Variants in MAST3 observed in about 807,000 individuals in gnomAD.
MAST3 encodes the protein microtubule-associated serine/threonine-protein kinase 3.
MAST3 carries 43 observed loss-of-function variants against 127.0 expected under a neutral mutation model. The observed-to-expected ratio is 0.34, with a 90% CI of 0.27 to 0.44. MAST3 has a LOEUF of 0.44. MAST3 is among the 20% of genes least tolerant of loss of function. The pLI is 1.00. For missense variants in MAST3, 1,390 were observed against 1,919.1 expected (o/e 0.72, Z 5.15); for synonymous variants, 785 against 809.2 (o/e 0.97, Z 0.51).
Position 18,128,951 on chromosome 19 carries a change from GGTGA to G in MAST3, c.1223+3_1223+6del, listed in dbSNP as rs1383560949. ...AAACTCATTAGCAACGGAGCCTATG[GGTGA>G]GTCCCTGAGTCCTGCATAGACCCAT... On this transcript the variant is annotated splice_donor_variant and splice_donor_region_variant and intron_variant, in intron 13 of 27. Coordinates refer to ENST00000687212, the MANE Select transcript of MAST3 (RefSeq NM_001393504.1). LOFTEE classifies it high-confidence loss of function. The G allele has an allele frequency of 6.2e-7, 1 of 1,613,786 alleles. No individual in the cohort carries two copies. Among genetic ancestry groups the G allele is most frequent in the African/African-American group, 1.3e-5 (1 of 75,056 alleles).
At chr19:18,130,871 G>A (rs1270324708) in intron 14 of MAST3, among the ~76,000 whole-genome samples, 169 bp downstream of exon 14, 3 of 152,320 alleles carry the variant, frequency 2.0e-5, no homozygotes, top group Non-Finnish European at 4.4e-5. Flanking sequence ...CAGCCATGGG[G>A]GTTTAGGGCT....
chr19:18,122,593 TG>T, intron 5 of MAST3, 79 bp from the exon 6 acceptor site: 1 of 1,213,120 alleles, frequency 8.2e-7, no homozygotes, highest in Non-Finnish European at 1.2e-6. Flanking sequence ...CAGAATATGC[TG>T]GCCACAGTGT....
At chr19:18,125,072 A>G (rs1811241) in intron 11 of MAST3, among the ~76,000 whole-genome samples, 97,487 of 152,040 alleles carry the variant, frequency 0.64, 32,000 homozygotes, top group East Asian at 0.85. Context: ...GCGCCACTGC[A>G]CTCCAACCTG....
In MAST3 at chr19:18,121,748, CCT is replaced by C. The variant is rs1473193738; in HGVS notation, c.226_227del (p.Leu76ValfsTer14). 1 of 1,614,018 alleles carries C rather than the reference CCT, an allele frequency of 6.2e-7. No individual in the cohort carries two copies. On this transcript the variant is annotated frameshift_variant, in exon 4 of 28. Transcript: ENST00000687212. LOFTEE classifies it high-confidence loss of function. ...CGCCCTCCCCGACCCTCTCCCGGCC[CCT>C]GTCGCCATTGTCGGTCCCAACGGGT... ...GTPSPTLSRP[L>X]SPLSVPTGSS...
chr19:18,137,529 G>A (rs949445951), intron 19 of MAST3, among the ~76,000 whole-genome samples, 168 bp downstream of exon 19: 3 of 152,138 alleles, frequency 2.0e-5, no homozygotes, highest in Admixed American at 6.6e-5. Flanking sequence ...TGTGTCGGCC[G>A]CCCCCTGGCT....
At chr19:18,109,712 C>A (rs1460967335) in intron 2 of MAST3, among the ~76,000 whole-genome samples, 1 of 152,132 alleles carries the variant, frequency 6.6e-6, no homozygotes, top group Non-Finnish European at 1.5e-5. Context: ...AGGGGGCGAC[C>A]TTCCTGGCAG....
At chr19:18,098,860 G>A (rs1273111078) in intron 1 of MAST3, 1 of 454,472 alleles carries the variant, frequency 2.2e-6, no homozygotes, top group Non-Finnish European at 4.4e-6. Context: ...ACCTGTTGGG[G>A]GAGGTAGACG....
In MAST3 at chr19:18,121,785, A is replaced by C; in HGVS notation, c.250+12A>C. On this transcript the variant is annotated intron_variant, in intron 4 of 27. Coordinates refer to ENST00000687212, the MANE Select transcript of MAST3 (RefSeq NM_001393504.1). ...GTCGGTCCCAACGGGTGAGTGTGGGAGCAGCCAGCGGGTGCTGTGTCCTGC... is the reference window on the plus strand; with the variant it reads ...GTCGGTCCCAACGGGTGAGTGTGGGCGCAGCCAGCGGGTGCTGTGTCCTGC... 1.9e-6 allele frequency: 3 copies of C among 1,613,926 alleles called. No individual in the cohort carries two copies. The highest frequency in any genetic ancestry group is 2.5e-6 in the Non-Finnish European group (3 of 1,179,872).
intron 1 of MAST3, among the ~76,000 whole-genome samples, chr19:18,102,760 G>A (rs1222499936): frequency 4.0e-5 from 6 of 151,598 alleles, no homozygotes; most frequent in South Asian, 4.2e-4. Flanking sequence ...GATTACAGGC[G>A]TGAGCCACCG....
intron 13 of MAST3, chr19:18,129,165 T>C: frequency 1.7e-6 from 1 of 575,660 alleles, no homozygotes; most frequent in Non-Finnish European, 3.1e-6. Flanking sequence ...GCCAGGCCTT[T>C]ACCTGCCCCA....
At chr19:18,136,731 G>A (rs2041930917) in intron 18 of MAST3, among the ~76,000 whole-genome samples, 1 of 151,834 alleles carries the variant, frequency 6.6e-6, no homozygotes, top group African/African-American at 2.4e-5. Context: ...CTGGCTGCTG[G>A]CCTGGGTTTG....
Position 18,106,966 on chromosome 19 carries a change from ATTTTTTTTTTTTTT to A in MAST3, c.40-604_40-591del, listed in dbSNP as rs60298417. 6.8e-4 allele frequency among the ~76,000 whole-genome samples: 50 copies of A among 73,946 alleles called. No homozygotes were observed. The South Asian group carries it at 0.021, about 31-fold the overall frequency. 48.5% of individuals were successfully genotyped at this position (73,946 alleles called of 152,430 possible). On this transcript the variant is annotated intron_variant, in intron 1 of 27. Transcript: ENST00000687212. ...CAGGCTTGAGCCACCATGCCCAGCAATTTTTTTTTTTTTTTTTTTTTTTTTTTTTTGTAGAGACG... is the reference window on the plus strand; with the variant it reads ...CAGGCTTGAGCCACCATGCCCAGCAATTTTTTTTTTTTTTTTGTAGAGACG...
intron 11 of MAST3, 139 bp from the exon 12 acceptor site, chr19:18,128,261 T>A: frequency 1.6e-6 from 1 of 631,146 alleles, no homozygotes; most frequent in Non-Finnish European, 2.7e-6. Context: ...TGTGGCTTCA[T>A]GACAGTGTCA....
At chr19:18,148,525 G>A (rs1463140046) in intron 27 of MAST3, among the ~76,000 whole-genome samples, 1 of 152,150 alleles carries the variant, frequency 6.6e-6, no homozygotes, top group East Asian at 1.9e-4. Flanking sequence ...TCTGGAGGAG[G>A]GGGAGTAGGA....
chr19:18,149,721 G>A lies in MAST3; in HGVS notation c.4039G>A (p.Asp1347Asn), dbSNP rs1261124914. The A allele has an allele frequency of 1.2e-6, 2 of 1,611,924 alleles. No individual in the cohort carries two copies. Among genetic ancestry groups the A allele is most frequent in the African/African-American group, 1.3e-5 (1 of 74,898 alleles). ...VPVALGPTGR[D>N] is the part of the protein sequence containing the mutation. ...AGTAGCTCTCGGGCCCACCGGAAGA[G>A]ACTGATCCCCTGCCAGGTCTCTCCC... Residue 1347 changes from aspartate to asparagine, a missense_variant, in exon 28 of 28, where the codon GAC (aspartate) becomes AAC (asparagine). This residue lies in a region of MAST3 where 816 missense variants were observed against 934.1 expected (regional missense o/e 0.87). Coordinates refer to ENST00000687212, the MANE Select transcript of MAST3 (RefSeq NM_001393504.1). This position sits in a 1 kb window ranked among gnomAD's most constrained non-coding sequence, Gnocchi z 5.9.
Position 18,132,036 on chromosome 19 carries a change from C to G in MAST3, c.1560C>G (p.Leu520=), listed in dbSNP as rs775960739. Residue 520 remains leucine, a synonymous_variant, in exon 15 of 28, where the codon CTC becomes CTG. Transcript: ENST00000687212. ...LHNYGIVHRD[L]KPDNLLITSL... ...ACTATGGCATCGTGCACCGTGACCT[C>G]AAACCAGACAAGTGAGCTGAGCTAG... 9.3e-6 allele frequency: 15 copies of G among 1,614,044 alleles called. No individual in the cohort carries two copies. The highest frequency in any genetic ancestry group is 1.3e-5 in the Non-Finnish European group (15 of 1,180,040).
chr19:18,136,248 A>G (rs979737317), intron 18 of MAST3, among the ~76,000 whole-genome samples: 5 of 152,112 alleles, frequency 3.3e-5, no homozygotes, highest in Non-Finnish European at 4.4e-5. Context: ...AGGCTTTGCT[A>G]TGGGAGACGG....
intron 11 of MAST3, among the ~76,000 whole-genome samples, chr19:18,125,064 G>T (rs914522958): frequency 2.6e-5 from 4 of 152,052 alleles, no homozygotes; most frequent in Non-Finnish European, 4.4e-5. Context: ...CTGAGATCGC[G>T]CCACTGCACT....
At chr19:18,123,528 C>T in intron 7 of MAST3, 52 bp from the exon 8 acceptor site, 2 of 1,479,224 alleles carry the variant, frequency 1.4e-6, no homozygotes, top group Non-Finnish European at 1.8e-6. Context: ...CAACATCCTC[C>T]CCTGGGGTTG....
Sources: gnomAD v4.1 joint callset for allele counts (sites outside exome capture counted in the v4.1 genomes callset) on GRCh38, gnomAD v4.1.1 for gene constraint, gnomAD v4.1.1 regional missense constraint, Gnocchi (gnomAD v3.1) non-coding constraint, MANE v1.5 for transcripts, NCBI Gene and HGNC (gene_info 2026-07-23, HGNC 2026-07-21) for gene names.